Variants in ZC3H13 observed in about 807,000 individuals in gnomAD.
The protein encoded by ZC3H13 is zinc finger CCCH domain-containing protein 13.
A neutral mutation model predicts 204.1 loss-of-function variants in ZC3H13; 64 were observed. The ratio of observed to expected loss-of-function variants is 0.31; its 90% CI spans 0.26 to 0.39. The LOEUF (loss-of-function observed/expected upper bound fraction) is 0.39, where lower values mean the gene tolerates loss of function less well. Among genes scored for constraint, ZC3H13 ranks in the 10% least tolerant of loss-of-function variants. The pLI, the probability that ZC3H13 is intolerant of heterozygous loss-of-function variation, is 1.00. For synonymous variants in ZC3H13, 667 were observed against 693.7 expected (o/e 0.96, Z 0.60); for missense variants, 1,833 against 2,082.7 (o/e 0.88, Z 2.33).
Position 45,969,623 on chromosome 13 carries a change from T to G in ZC3H13, c.2921A>C (p.Asp974Ala). Residue 974 changes from aspartate (D) to alanine (A), a missense_variant, in exon 14 of 19, where the codon GAT becomes GCT. This residue lies in a region of ZC3H13 where 1,574 missense variants were observed against 1,757.2 expected (regional missense o/e 0.90). Transcript: ENST00000679008. Reference sequence around the variant, plus strand: ...TATGTTACCCCTCTCTATTCCAACATCATCCTCTTTCTTTTTCTTAATTGG... The same window carrying G: ...TATGTTACCCCTCTCTATTCCAACAGCATCCTCTTTCTTTTTCTTAATTGG... ...KKPIKKKKED[D>A]VGIERGNIET... 6.2e-7 allele frequency: 1 copy of G among 1,610,106 alleles called. No homozygotes were observed. The highest frequency in any genetic ancestry group is 1.1e-5 in the South Asian group (1 of 89,718).
chr13:45,960,990 C>T (rs1354178011), intron 17 of ZC3H13, among the ~76,000 whole-genome samples: 1 of 152,124 alleles, frequency 6.6e-6, no homozygotes, highest in Non-Finnish European at 1.5e-5. Context: ...TATAGAAAAG[C>T]CCGAAACTAG....
At chr13:45,995,711 T>C (rs2104515) in intron 8 of ZC3H13, among the ~76,000 whole-genome samples, 114,089 of 152,140 alleles carry the variant, frequency 0.75, 43,272 homozygotes, top group African/African-American at 0.85. Flanking sequence ...TACTTCAGCA[T>C]ACCTCCTCCT....
At chr13:46,043,590 TATAA>T (rs1165979403) in intron 3 of ZC3H13, among the ~76,000 whole-genome samples, 1 of 152,002 alleles carries the variant, frequency 6.6e-6, no homozygotes, top group African/African-American at 2.4e-5. Context: ...TATATAAACA[TATAA>T]ATAAGCATTC....
chr13:45,982,934 A>G (rs1464056391), intron 10 of ZC3H13, among the ~76,000 whole-genome samples: 1 of 152,200 alleles, frequency 6.6e-6, no homozygotes, highest in Non-Finnish European at 1.5e-5. Context: ...ATTTACGTGT[A>G]CCTAATAGCA....
At chr13:45,999,794 T>C (rs897425167) in intron 8 of ZC3H13, among the ~76,000 whole-genome samples, 49 of 150,146 alleles carry the variant, frequency 3.3e-4, no homozygotes, top group African/African-American at 1.1e-3. Context: ...TCACTATCTA[T>C]GGCAGTTGTG....
At chr13:46,018,900 C>T (rs1441908655) in intron 5 of ZC3H13, among the ~76,000 whole-genome samples, 1 of 151,668 alleles carries the variant, frequency 6.6e-6, no homozygotes, top group African/African-American at 2.4e-5. Flanking sequence ...AAAAGGTAAC[C>T]CCTTAGTATT....
chr13:46,032,527 C>T (rs1435862534), intron 4 of ZC3H13, among the ~76,000 whole-genome samples: 1 of 152,084 alleles, frequency 6.6e-6, no homozygotes, highest in African/African-American at 2.4e-5. Flanking sequence ...AAAACACATA[C>T]TAACAAAGCA....
At chr13:46,002,741 G>C (rs772362821) in intron 8 of ZC3H13, among the ~76,000 whole-genome samples, 4 of 152,072 alleles carry the variant, frequency 2.6e-5, no homozygotes, top group Non-Finnish European at 5.9e-5. Context: ...AACAAAACAG[G>C]ATGATAGTTA....
chr13:46,017,795 T>A (rs2042001063), intron 5 of ZC3H13, among the ~76,000 whole-genome samples: 1 of 152,066 alleles, frequency 6.6e-6, no homozygotes, highest in Non-Finnish European at 1.5e-5. Flanking sequence ...ACCAGTTTAG[T>A]CTCACTATCC....
intron 4 of ZC3H13, among the ~76,000 whole-genome samples, chr13:46,034,980 A>G (rs551948253): frequency 1.4e-4 from 22 of 152,194 alleles, no homozygotes; most frequent in Non-Finnish European, 2.5e-4. Context: ...GTCCTAAAAG[A>G]AACAATACCC....
In ZC3H13 at chr13:45,959,478, A is replaced by G. The variant is rs1951520042; in HGVS notation, c.4839+5T>C. ...TTTGTATTTTTTCCAAGGAAATAACAGTACCTTCTCATTTTTAACAAGCTG... is the reference window on the plus strand; with the variant it reads ...TTTGTATTTTTTCCAAGGAAATAACGGTACCTTCTCATTTTTAACAAGCTG... On this transcript the variant is annotated splice_donor_5th_base_variant and intron_variant, in intron 18 of 18. Coordinates refer to ENST00000679008, the MANE Select transcript of ZC3H13 (RefSeq NM_001330564.2). The G allele has an allele frequency of 2.6e-6, 4 of 1,536,274 alleles. No individual in the cohort carries two copies. The East Asian group carries it at 1.0e-4, about 38-fold the overall frequency.
chr13:46,031,979 T>C (rs1425041665), intron 4 of ZC3H13, among the ~76,000 whole-genome samples: 5 of 152,240 alleles, frequency 3.3e-5, no homozygotes, highest in East Asian at 1.9e-4. Context: ...CAGATGTTTA[T>C]AGCAGCTGTA....
intron 4 of ZC3H13, among the ~76,000 whole-genome samples, chr13:46,023,314 A>G (rs1292456564): frequency 6.6e-6 from 1 of 152,196 alleles, no homozygotes; most frequent in Non-Finnish European, 1.5e-5. Flanking sequence ...TCTAATTATT[A>G]GAAAATTATT....
intron 10 of ZC3H13, 58 bp downstream of exon 10, chr13:45,985,239 T>C: frequency 7.0e-7 from 1 of 1,426,040 alleles, no homozygotes; most frequent in Non-Finnish European, 9.4e-7. Flanking sequence ...TTAGAAATCT[T>C]AGGAGATTTT....
chr13:46,037,697 C>T (rs1333789470), intron 4 of ZC3H13, among the ~76,000 whole-genome samples: 1 of 152,110 alleles, frequency 6.6e-6, no homozygotes, highest in Admixed American at 6.5e-5. Flanking sequence ...CCTAGACCAG[C>T]CCTTTCCAAC....
intron 16 of ZC3H13, among the ~76,000 whole-genome samples, chr13:45,964,859 T>C (rs927018466): frequency 2.0e-5 from 3 of 152,196 alleles, no homozygotes; most frequent in Non-Finnish European, 4.4e-5. Context: ...TAGAGGTATA[T>C]AGTGTTCAAA....
intron 4 of ZC3H13, among the ~76,000 whole-genome samples, chr13:46,037,205 T>C (rs9534292): frequency 0.75 from 114,029 of 152,112 alleles, 43,234 homozygotes; most frequent in African/African-American, 0.85. Flanking sequence ...ATTTTATGTG[T>C]ATTTTACCAC....
intron 1 of ZC3H13, among the ~76,000 whole-genome samples, chr13:46,049,678 A>G (rs1023545043): frequency 3.3e-5 from 5 of 152,230 alleles, no homozygotes; most frequent in African/African-American, 1.2e-4. Flanking sequence ...AATCCTATTT[A>G]AAACTTTGGG....
rs751429270 is a variant in ZC3H13, at chr13:45,963,863, T to C, written c.4654A>G (p.Arg1552Gly). 1 of 1,614,130 alleles carries C rather than the reference T, an allele frequency of 6.2e-7. No individual in the cohort carries two copies. Among genetic ancestry groups the C allele is most frequent in the African/African-American group, 1.3e-5 (1 of 75,060 alleles). The change falls in exon 17 of 19, where the codon AGA becomes GGA. Residue 1552 changes from arginine (R) to glycine (G), a missense_variant. Coordinates refer to ENST00000679008, the MANE Select transcript of ZC3H13 (RefSeq NM_001330564.2). ...CTACCTTTGGGTTTTTCTAAAAGTC[T>C]CTGACATGTTTCTTTGACTTTGGCA... is the stretch of plus-strand genomic sequence containing the variant. ...LFAKVKETCQRLLEKPKDADN... is the reference protein window; with the variant it reads ...LFAKVKETCQGLLEKPKDADN...
Sources: allele counts gnomAD v4.1 joint callset (sites outside exome capture counted in the v4.1 genomes callset), GRCh38; gene constraint gnomAD v4.1.1; regional missense constraint gnomAD v4.1.1; transcripts MANE v1.5; gene names NCBI Gene and HGNC (gene_info 2026-07-23, HGNC 2026-07-21).